Variants in ADNP2 observed in about 807,000 individuals in gnomAD.
ADNP2 encodes ADNP homeobox 2.
Under a neutral mutation model 16.4 loss-of-function variants are expected in ADNP2, and 8 were observed. The ratio of observed to expected loss-of-function variants is 0.49; its 90% CI spans 0.29 to 0.88. The LOEUF is 0.88. ADNP2 is among the 40% of genes least tolerant of loss of function. The probability of loss-of-function intolerance (pLI) is 0.09; values close to 1 mark genes in which losing one functional copy is unlikely to be tolerated. For missense variants in ADNP2, 1,397 were observed against 1,395.1 expected (o/e 1.00, Z -0.02); for synonymous variants, 637 against 545.8 (o/e 1.17, Z -2.33).
intron 2 of ADNP2, among the ~76,000 whole-genome samples, chr18:80,122,095 T>C (rs951182973): frequency 6.6e-6 from 1 of 152,108 alleles, no homozygotes; most frequent in African/African-American, 2.4e-5. Context: ...AATTTTTGTA[T>C]TTTTAGTAGA....
Position 80,137,765 on chromosome 18 carries a change from T to C in ADNP2, c.2352T>C (p.Gly784=). 6.2e-7 allele frequency: 1 copy of C among 1,614,168 alleles called. No individual in the cohort carries two copies. The highest frequency in any genetic ancestry group is 8.5e-7 in the Non-Finnish European group (1 of 1,180,032). Residue 784 remains glycine, a synonymous_variant, in exon 4 of 4, where the codon GGT becomes GGC. Coordinates refer to ENST00000262198, the MANE Select transcript of ADNP2 (RefSeq NM_014913.4). This position sits in a 1 kb window ranked among gnomAD's most constrained non-coding sequence, Gnocchi z 4.2. ...CATGCACCTTCCATGATATCAAAGG[T>C]CTTTCAGAGCACAGCAGGAATAGGC... ...FCPCTFHDIK[G]LSEHSRNRHL...
chr18:80,115,145 G>A (rs534350479), intron 1 of ADNP2, among the ~76,000 whole-genome samples: 1 of 152,292 alleles, frequency 6.6e-6, no homozygotes, highest in East Asian at 1.9e-4. Flanking sequence ...GGTATTGTGT[G>A]TTTGGAAAAT....
At position 80,135,631 on chromosome 18, in the gene ADNP2, A is replaced by G; in HGVS notation, c.218A>G (p.Tyr73Cys). 3.7e-6 allele frequency: 6 copies of G among 1,612,952 alleles called. No individual in the cohort carries two copies. The highest frequency in any genetic ancestry group is 5.1e-6 in the Non-Finnish European group (6 of 1,179,282). The change falls in exon 4 of 4, where the codon TAC becomes TGC. Residue 73 changes from tyrosine (Y) to cysteine (C), a missense_variant. Around this residue, in one of 3 missense-constraint regions of ADNP2, gnomAD observed 777 missense variants for 719.4 expected, o/e 1.08. Transcript: ENST00000262198. ...GKKVRYRTKP[Y>C]CCGLCKYSTK... is the part of the protein sequence containing the mutation. ...TAACAGAGATATCGAACAAAGCCAT[A>G]CTGTTGTGGCCTCTGTAAATACTCT...
At position 80,136,925 on chromosome 18, in the gene ADNP2, C is replaced by T. The variant is rs1313840900; in HGVS notation, c.1512C>T (p.Ala504=). 6.2e-7 allele frequency: 1 copy of T among 1,613,728 alleles called. No individual in the cohort carries two copies. Among genetic ancestry groups the T allele is most frequent in the Non-Finnish European group, 8.5e-7 (1 of 1,179,814 alleles). ...GGGTTCTTCCCCCAGGCCAGACAGC[C>T]CCATTGAGGGTTATCTCTGCAGGCC... ...PSRVLPPGQT[A]PLRVISAGQV... is the part of the protein sequence containing the mutation. The change falls in exon 4 of 4, where the codon GCC becomes GCT. Residue 504 remains alanine, a synonymous_variant. Transcript: ENST00000262198.
chr18:80,131,339 A>G (rs2052494935), intron 2 of ADNP2, among the ~76,000 whole-genome samples: 1 of 152,160 alleles, frequency 6.6e-6, no homozygotes, highest in South Asian at 2.1e-4. Context: ...TCTACACTAT[A>G]GGTCTTTTGC....
chr18:80,128,379 C>A lies in ADNP2; in HGVS notation c.109-4724C>A, dbSNP rs539248605. On this transcript the variant is annotated intron_variant, in intron 2 of 3. Transcript: ENST00000262198. Reference sequence around the variant, plus strand: ...ATCTTTGTAATAACTTGGCCAGGTGCGGTGGCTCATACCTGTAACCCCAGC... The same window carrying A: ...ATCTTTGTAATAACTTGGCCAGGTGAGGTGGCTCATACCTGTAACCCCAGC... Among the ~76,000 whole-genome samples, 263 of 152,284 alleles carry A rather than the reference C, an allele frequency of 1.7e-3. 1 individual carries two copies. Among genetic ancestry groups the A allele is most frequent in the African/African-American group, 6.1e-3 (254 of 41,546 alleles).
chr18:80,129,760 A>G (rs766578525), intron 2 of ADNP2, among the ~76,000 whole-genome samples: 3 of 152,106 alleles, frequency 2.0e-5, no homozygotes, highest in Non-Finnish European at 4.4e-5. Flanking sequence ...CTTTGTGTGC[A>G]TTATGTTCTT....
intron 2 of ADNP2, among the ~76,000 whole-genome samples, chr18:80,126,578 C>A (rs1163296960): frequency 6.6e-6 from 1 of 152,044 alleles, no homozygotes; most frequent in Non-Finnish European, 1.5e-5. Context: ...AGATTTCACT[C>A]TTGTCTTCTG....
intron 3 of ADNP2, among the ~76,000 whole-genome samples, chr18:80,134,432 A>G (rs900320752): frequency 4.6e-5 from 7 of 151,384 alleles, no homozygotes; most frequent in Non-Finnish European, 1.0e-4. Flanking sequence ...AGAGAGTGAT[A>G]ATGAGCACAC....
chr18:80,136,280 T>A lies in ADNP2; in HGVS notation c.867T>A (p.Pro289=). 1 of 1,613,600 alleles carries A rather than the reference T, an allele frequency of 6.2e-7. No individual in the cohort carries two copies. The highest frequency in any genetic ancestry group is 2.2e-5 in the East Asian group (1 of 44,866). Reference sequence around the variant, plus strand: ...GTGCTCCAAGCGCTCCAGCGCAGCCTCCTTGCTTCCATCTTGCTTTGCCAC... The same window carrying A: ...GTGCTCCAAGCGCTCCAGCGCAGCCACCTTGCTTCCATCTTGCTTTGCCAC... ...NGSAPSAPAQ[P]PCFHLALPQN... The change falls in exon 4 of 4, where the codon CCT becomes CCA. Residue 289 remains proline, a synonymous_variant. Coordinates refer to ENST00000262198, the MANE Select transcript of ADNP2 (RefSeq NM_014913.4).
At chr18:80,130,429 TAAAG>T (rs1009492078) in intron 2 of ADNP2, among the ~76,000 whole-genome samples, 3 of 152,180 alleles carry the variant, frequency 2.0e-5, no homozygotes, top group Non-Finnish European at 4.4e-5. Flanking sequence ...GCTGCACAGG[TAAAG>T]AAAGTGTTTT....
In ADNP2 at chr18:80,136,395, C is replaced by T; in HGVS notation, c.982C>T (p.Gln328Ter). The change falls in exon 4 of 4, where the codon CAA becomes TAA. Residue 328 changes from glutamine (Q) to a stop codon, truncating the protein, a stop_gained. Transcript: ENST00000262198. LOFTEE classifies it low-confidence loss of function (END_TRUNC). ...SLTHSPPAAG[Q>*]SHMTLVSSPL... ...CACTCATTCCCCCCCTGCTGCTGGC[C>T]AATCCCACATGACTCTGGTCTCCAG... 1 of 1,614,208 alleles carries T rather than the reference C, an allele frequency of 6.2e-7. No individual in the cohort carries two copies. The highest frequency in any genetic ancestry group is 8.5e-7 in the Non-Finnish European group (1 of 1,180,038).
intron 2 of ADNP2, among the ~76,000 whole-genome samples, chr18:80,122,791 ACGATGC>A (rs2052433030): frequency 1.3e-5 from 2 of 152,320 alleles, no homozygotes; most frequent in African/African-American, 4.8e-5. Flanking sequence ...TTTTTCAGTT[ACGATGC>A]CTTTTATTTT....
At chr18:80,119,027 C>T (rs1365723107) in intron 2 of ADNP2, among the ~76,000 whole-genome samples, 3 of 152,036 alleles carry the variant, frequency 2.0e-5, no homozygotes, top group Non-Finnish European at 2.9e-5. Flanking sequence ...CACGCGTAAA[C>T]CATTACCCTG....
chr18:80,125,386 G>C (rs1014764434), intron 2 of ADNP2, among the ~76,000 whole-genome samples: 4 of 152,194 alleles, frequency 2.6e-5, no homozygotes. Flanking sequence ...GCTCACGCCT[G>C]TAATCCCAGC....
intron 2 of ADNP2, among the ~76,000 whole-genome samples, chr18:80,124,534 C>G (rs1050696130): frequency 3.9e-5 from 6 of 152,190 alleles, no homozygotes; most frequent in African/African-American, 1.4e-4. Context: ...TCCAGGCCCT[C>G]CGCGGGTACT....
At chr18:80,119,562 GA>G (rs2052411443) in intron 2 of ADNP2, among the ~76,000 whole-genome samples, 1 of 152,170 alleles carries the variant, frequency 6.6e-6, no homozygotes. Flanking sequence ...CTTCTTGTAA[GA>G]TTTACACAGC....
At chr18:80,109,961 C>A in intron 1 of ADNP2, 2 of 153,194 alleles carry the variant, frequency 1.3e-5, no homozygotes, top group South Asian at 3.7e-4. Flanking sequence ...CGCCGCATCC[C>A]CGAGACCGGG....
chr18:80,120,891 C>G (rs34337138), intron 2 of ADNP2, among the ~76,000 whole-genome samples: 27,502 of 152,066 alleles, frequency 0.18, 2,760 homozygotes, highest in Middle Eastern at 0.25. Flanking sequence ...TTGGTGGACA[C>G]TTGGATTGAT....
Sources: gnomAD v4.1 joint callset for allele counts (sites outside exome capture counted in the v4.1 genomes callset) on GRCh38, gnomAD v4.1.1 for gene constraint, gnomAD v4.1.1 regional missense constraint, Gnocchi (gnomAD v3.1) non-coding constraint, MANE v1.5 for transcripts, NCBI Gene and HGNC (gene_info 2026-07-23, HGNC 2026-07-21) for gene names.